MGMT: variants seen among roughly 807,000 people sequenced by gnomAD.
MGMT encodes the protein O-6-methylguanine-DNA methyltransferase.
In MGMT, 14 loss-of-function variants were observed where a neutral mutation model predicts 15.9. The ratio of observed to expected loss-of-function variants is 0.88; its 90% CI spans 0.58 to 1.37. The LOEUF (loss-of-function observed/expected upper bound fraction) is 1.37. MGMT is among the 40% of genes most tolerant of loss of function. MGMT has a pLI of 0.00. For missense variants in MGMT, 282 were observed against 268.1 expected, an observed-to-expected ratio of 1.05 and a Z score of -0.36; for synonymous variants, 130 against 118.2, an observed-to-expected ratio of 1.10 and a Z score of -0.65.
chr10:129,692,526 T>C (rs1847981219), intron 2 of MGMT, among the ~76,000 whole-genome samples: 1 of 152,168 alleles, frequency 6.6e-6, no homozygotes, highest in Non-Finnish European at 1.5e-5. Context: ...CAGTTTGGTA[T>C]GTGGAGGCAT....
chr10:129,537,116 A>G (rs1845994425), intron 2 of MGMT: 2 of 151,622 alleles, frequency 1.3e-5, no homozygotes, highest in South Asian at 4.2e-4. Context: ...ATTCTATTAA[A>G]ATTGTAGCTC....
In MGMT at chr10:129,748,020, C is replaced by T. The variant is rs1848713342; in HGVS notation, c.275-11182C>T. 2.0e-5 allele frequency among the ~76,000 whole-genome samples: 3 copies of T among 152,254 alleles called. No individual in the cohort carries two copies. In the South Asian group the frequency reaches 6.2e-4, roughly 32 times the overall value. On this transcript the variant is annotated intron_variant, in intron 3 of 4. Transcript: ENST00000651593. ...TCATTGTTGATGTCAACTTTGATTA[C>T]CTGGCTGGGTAGTGGTGTTTGTCAG...
chr10:129,616,573 GTCC>G (rs1847030425), intron 2 of MGMT, among the ~76,000 whole-genome samples: 1 of 152,148 alleles, frequency 6.6e-6, no homozygotes, highest in South Asian at 2.1e-4. Flanking sequence ...CTGGTGCCCT[GTCC>G]TCCTCCATGC....
At chr10:129,555,833 G>A (rs1465393756) in intron 2 of MGMT, among the ~76,000 whole-genome samples, 1 of 152,198 alleles carries the variant, frequency 6.6e-6, no homozygotes, top group African/African-American at 2.4e-5. Flanking sequence ...AAAGTAGCAC[G>A]AATTCCAAGT....
intron 1 of MGMT, among the ~76,000 whole-genome samples, chr10:129,519,014 G>A (rs971175025): frequency 6.6e-6 from 1 of 152,140 alleles, no homozygotes; most frequent in African/African-American, 2.4e-5. Context: ...TCCTCCCAGA[G>A]CCCTGACTAC....
At chr10:129,687,659 T>C (rs1234283238) in intron 2 of MGMT, among the ~76,000 whole-genome samples, 2 of 152,098 alleles carry the variant, frequency 1.3e-5, no homozygotes, top group African/African-American at 4.8e-5. Context: ...GACAAAATTT[T>C]TCATTGTGGG....
At chr10:129,738,481 T>C (rs946002229) in intron 3 of MGMT, among the ~76,000 whole-genome samples, 3 of 152,200 alleles carry the variant, frequency 2.0e-5, no homozygotes, top group Admixed American at 2.0e-4. Flanking sequence ...ATGAATCCGG[T>C]ACCTCAGATG....
chr10:129,617,691 C>A (rs1847043695), intron 2 of MGMT, among the ~76,000 whole-genome samples: 1 of 152,154 alleles, frequency 6.6e-6, no homozygotes, highest in African/African-American at 2.4e-5. Context: ...TGATGTTGAG[C>A]ATTTTTTTCA....
At chr10:129,577,189 A>G (rs1303622479) in intron 2 of MGMT, among the ~76,000 whole-genome samples, 1 of 152,228 alleles carries the variant, frequency 6.6e-6, no homozygotes, top group Non-Finnish European at 1.5e-5. Flanking sequence ...AAGCTACTTT[A>G]AAGTTCGTAT....
intron 2 of MGMT, among the ~76,000 whole-genome samples, chr10:129,615,333 G>A (rs1273876324): frequency 2.0e-5 from 3 of 152,080 alleles, no homozygotes; most frequent in Non-Finnish European, 4.4e-5. Context: ...GGCTGCGCTG[G>A]ACAGCACCCA....
At chr10:129,671,021 CCTT>C (rs1382654375) in intron 2 of MGMT, among the ~76,000 whole-genome samples, 1 of 152,168 alleles carries the variant, frequency 6.6e-6, no homozygotes, top group African/African-American at 2.4e-5. Context: ...TGATAATCCT[CCTT>C]CTGCCTGAAG....
At chr10:129,607,270 G>A (rs968576685) in intron 2 of MGMT, among the ~76,000 whole-genome samples, 4 of 152,088 alleles carry the variant, frequency 2.6e-5, no homozygotes, top group African/African-American at 4.8e-5. Flanking sequence ...AATATCCCGG[G>A]AAGAATTACC....
chr10:129,501,123 G>A (rs560566838), intron 1 of MGMT, among the ~76,000 whole-genome samples: 8 of 152,292 alleles, frequency 5.3e-5, no homozygotes, highest in South Asian at 2.1e-4. Flanking sequence ...GTCCTTTCTT[G>A]CTCTTAGCCA....
chr10:129,601,835 A>T (rs766736741), intron 2 of MGMT, among the ~76,000 whole-genome samples: 1 of 152,182 alleles, frequency 6.6e-6, no homozygotes, highest in Non-Finnish European at 1.5e-5. Flanking sequence ...CAGCAACGTA[A>T]GGATGTGGTA....
At chr10:129,607,636 C>A (rs915744447) in intron 2 of MGMT, among the ~76,000 whole-genome samples, 1 of 152,196 alleles carries the variant, frequency 6.6e-6, no homozygotes, top group Non-Finnish European at 1.5e-5. Flanking sequence ...TTACAAATTG[C>A]TGGAATTGTT....
chr10:129,719,031 G>T (rs1848335547), intron 3 of MGMT, among the ~76,000 whole-genome samples: 1 of 151,996 alleles, frequency 6.6e-6, no homozygotes, highest in South Asian at 2.1e-4. Context: ...TCTAGAGCCG[G>T]TCCGTCTGCC....
At chr10:129,571,179 A>G (rs769477355) in intron 2 of MGMT, among the ~76,000 whole-genome samples, 6 of 152,150 alleles carry the variant, frequency 3.9e-5, no homozygotes, top group Non-Finnish European at 8.8e-5. Context: ...GAAGGATCCT[A>G]ATATTGCAGT....
chr10:129,529,328 A>T (rs1021207440), intron 1 of MGMT, among the ~76,000 whole-genome samples: 1 of 152,024 alleles, frequency 6.6e-6, no homozygotes, highest in Non-Finnish European at 1.5e-5. Flanking sequence ...TTTTCCACAG[A>T]TGGGAGTGGG....
chr10:129,747,470 G>C (rs1365881381), intron 3 of MGMT, among the ~76,000 whole-genome samples: 2 of 152,134 alleles, frequency 1.3e-5, no homozygotes, highest in African/African-American at 4.8e-5. Context: ...ATATTAATAT[G>C]ATAGCTATTG....
Sources: gnomAD v4.1 joint callset for allele counts (sites outside exome capture counted in the v4.1 genomes callset) on GRCh38, gnomAD v4.1.1 for gene constraint, MANE v1.5 for transcripts, NCBI Gene and HGNC (gene_info 2026-07-23, HGNC 2026-07-21) for gene names.